The following SDK1 variants were observed in gnomAD, a reference collection of about 807,000 sequenced individuals.
SDK1 encodes protein sidekick-1.
SDK1 carries 157 observed loss-of-function variants against 245.5 expected under a neutral mutation model. The observed-to-expected ratio is 0.64, with a 90% confidence interval of 0.56 to 0.73. The LOEUF (loss-of-function observed/expected upper bound fraction) is 0.73, where lower values mean the gene tolerates loss of function less well. SDK1 is among the 30% of genes least tolerant of loss of function. The probability of loss-of-function intolerance (pLI) is 0.00; values close to 1 mark genes in which losing one functional copy is unlikely to be tolerated. For missense variants in SDK1, 3,583 were observed against 3,002.3 expected (o/e 1.19, Z -4.52); for synonymous variants, 1,647 against 1,278.5 (o/e 1.29, Z -6.15).
intron 1 of SDK1, among the ~76,000 whole-genome samples, chr7:3,535,175 C>T (rs1330643074): frequency 1.3e-5 from 2 of 152,094 alleles, no homozygotes; most frequent in African/African-American, 2.4e-5. Flanking sequence ...ACTCAGGAGA[C>T]TGAGGCAGGA....
At chr7:3,938,204 A>G (rs575262168) in intron 5 of SDK1, among the ~76,000 whole-genome samples, 2 of 152,358 alleles carry the variant, frequency 1.3e-5, no homozygotes, top group South Asian at 4.1e-4. Context: ...CAGCAACTTT[A>G]GAATTCTATT....
chr7:4,212,343 A>G (rs1276616900), intron 38 of SDK1, among the ~76,000 whole-genome samples: 3 of 152,194 alleles, frequency 2.0e-5, no homozygotes, highest in Non-Finnish European at 4.4e-5. Context: ...TGCTCCCAAT[A>G]AACCAGAGCC....
At chr7:3,590,572 TATTA>T (rs1017559755) in intron 1 of SDK1, among the ~76,000 whole-genome samples, 1 of 152,160 alleles carries the variant, frequency 6.6e-6, no homozygotes, top group Non-Finnish European at 1.5e-5. Context: ...AACAGAAATC[TATTA>T]ATTAAAATGA....
chr7:4,087,930 A>G (rs759711365), intron 22 of SDK1, among the ~76,000 whole-genome samples: 11 of 152,202 alleles, frequency 7.2e-5, no homozygotes, highest in Non-Finnish European at 1.5e-4. Context: ...TGTTGTTTGC[A>G]TAGGGGAACA....
At chr7:4,263,408 G>C (rs1562493458) in intron 44 of SDK1, among the ~76,000 whole-genome samples, 1 of 150,270 alleles carries the variant, frequency 6.7e-6, no homozygotes, top group Non-Finnish European at 1.5e-5. Flanking sequence ...ATCTTTGCTG[G>C]GGTGGGAAGG....
chr7:3,499,672 G>A (rs542397278), intron 1 of SDK1, among the ~76,000 whole-genome samples: 1 of 152,226 alleles, frequency 6.6e-6, no homozygotes, highest in East Asian at 1.9e-4. Flanking sequence ...GGGCACGGCA[G>A]TGTTGCCACT....
chr7:3,613,367 T>G (rs1781665822), intron 1 of SDK1, among the ~76,000 whole-genome samples: 1 of 152,202 alleles, frequency 6.6e-6, no homozygotes, highest in African/African-American at 2.4e-5. Flanking sequence ...ACATTGGATC[T>G]GAAAACCTTA....
chr7:3,843,792 GAGCTTGAGCC>G (rs1345386771), intron 5 of SDK1, among the ~76,000 whole-genome samples: 1 of 152,160 alleles, frequency 6.6e-6, no homozygotes, highest in African/African-American at 2.4e-5. Context: ...GTGAAATGAG[GAGCTTGAGCC>G]AGATGAACTC....
At chr7:3,621,694 G>C (rs1781944413) in intron 2 of SDK1, among the ~76,000 whole-genome samples, 2 of 152,280 alleles carry the variant, frequency 1.3e-5, no homozygotes, top group East Asian at 1.9e-4. Context: ...TCCATCCCAG[G>C]AGAAAGCGCA....
At position 3,872,845 on chromosome 7, in the gene SDK1, AG is replaced by A. The variant is rs1780990380; in HGVS notation, c.847+51264del. 2.0e-5 allele frequency among the ~76,000 whole-genome samples: 3 copies of A among 152,214 alleles called. No individual in the cohort carries two copies. In the South Asian group the frequency reaches 6.2e-4, roughly 32 times the overall value. ...GCTATGCTGCTTCACACGGAGTATAAGGACCTTATAACAGTGTATTTCTAAT... is the reference window on the plus strand; with the variant it reads ...GCTATGCTGCTTCACACGGAGTATAAGACCTTATAACAGTGTATTTCTAAT... On this transcript the variant is annotated intron_variant, in intron 5 of 44. Coordinates refer to ENST00000404826, the MANE Select transcript of SDK1 (RefSeq NM_152744.4).
At position 3,469,090 on chromosome 7, in the gene SDK1, G is replaced by C. The variant is rs375158040; in HGVS notation, c.299-149990G>C. 3.9e-5 allele frequency among the ~76,000 whole-genome samples: 6 copies of C among 152,154 alleles called. No individual in the cohort carries two copies. In the East Asian group the frequency reaches 1.2e-3, roughly 29 times the overall value. ...TATTTATTTATTTTTAGAGACCAGA[G>C]TCTGTTGTGATTTGAAATTTCGAAT... is the stretch of plus-strand genomic sequence containing the variant. On this transcript the variant is annotated intron_variant, in intron 1 of 44. Transcript: ENST00000404826.
At chr7:3,390,182 G>A (rs1018711845) in intron 1 of SDK1, among the ~76,000 whole-genome samples, 17 of 152,164 alleles carry the variant, frequency 1.1e-4, no homozygotes, top group African/African-American at 4.1e-4. Flanking sequence ...AATTCTAACT[G>A]TGGTCTGCAG....
chr7:3,986,678 G>C (rs1476669876), intron 13 of SDK1, among the ~76,000 whole-genome samples: 1 of 151,950 alleles, frequency 6.6e-6, no homozygotes, highest in Non-Finnish European at 1.5e-5. Flanking sequence ...GGCCAAGATG[G>C]TGTGAAACCC....
At chr7:4,165,381 A>G (rs1201704767) in intron 32 of SDK1, among the ~76,000 whole-genome samples, 4 of 152,066 alleles carry the variant, frequency 2.6e-5, no homozygotes, top group Non-Finnish European at 5.9e-5. Context: ...ACAAACAAAC[A>G]CGGGCTGTAA....
chr7:4,062,580 A>G (rs1329400330), intron 19 of SDK1, among the ~76,000 whole-genome samples: 1 of 152,184 alleles, frequency 6.6e-6, no homozygotes, highest in Non-Finnish European at 1.5e-5. Flanking sequence ...AAATTAAAGA[A>G]GAGGAAATTC....
At chr7:3,532,415 G>A (rs533490321) in intron 1 of SDK1, among the ~76,000 whole-genome samples, 1 of 152,284 alleles carries the variant, frequency 6.6e-6, no homozygotes, top group East Asian at 1.9e-4. Context: ...CTGGAAGGCT[G>A]CTTAATGGGA....
At chr7:3,794,758 T>G (rs1451952978) in intron 4 of SDK1, among the ~76,000 whole-genome samples, 1 of 152,080 alleles carries the variant, frequency 6.6e-6, no homozygotes. Flanking sequence ...TCACCCAATT[T>G]CAGAAACAGA....
intron 13 of SDK1, among the ~76,000 whole-genome samples, chr7:3,980,255 A>G (rs7795672): frequency 0.031 from 4,673 of 152,270 alleles, 234 homozygotes; most frequent in African/African-American, 0.11. Context: ...TGTTTTTCTC[A>G]CACACACCTT....
rs1243556170 is a variant in SDK1, at chr7:4,139,515, A to G, written c.4229-6207A>G. Among the ~76,000 whole-genome samples, 31 of 25,408 alleles carry G rather than the reference A, an allele frequency of 1.2e-3. 5 individuals carry two copies. Among genetic ancestry groups the G allele is most frequent in the African/African-American group, 3.0e-3 (24 of 7,878 alleles). 16.7% of individuals were successfully genotyped at this position (25,408 alleles called of 152,430 possible). On this transcript the variant is annotated intron_variant, in intron 28 of 44. Coordinates refer to ENST00000404826, the MANE Select transcript of SDK1 (RefSeq NM_152744.4). ...TATATGTGTGTGTGTATATGTATAT[A>G]TGTGTGTGTATGTGTGTGTGTATAT... is the stretch of plus-strand genomic sequence containing the variant.
Sources: gnomAD v4.1 joint callset for allele counts (sites outside exome capture counted in the v4.1 genomes callset) on GRCh38, gnomAD v4.1.1 for gene constraint, MANE v1.5 for transcripts, NCBI Gene and HGNC (gene_info 2026-07-23, HGNC 2026-07-21) for gene names.